Variants in MREG observed in about 807,000 individuals in gnomAD.
The protein encoded by MREG is melanoregulin, also known as dilute suppressor protein homolog.
Under a neutral mutation model 28.5 loss-of-function variants are expected in MREG, and 31 were observed. That is an observed-to-expected ratio of 1.09 (90% CI 0.82 to 1.47). The LOEUF (loss-of-function observed/expected upper bound fraction) is 1.47, where lower values mean the gene tolerates loss of function less well. Ranked by LOEUF, MREG falls within the 40% of genes most tolerant of loss-of-function variation. The pLI, the probability that MREG is intolerant of heterozygous loss-of-function variation, is 0.00. For synonymous variants in MREG, 106 were observed against 95.2 expected, an observed-to-expected ratio of 1.11 and a Z score of -0.66; for missense variants, 256 against 257.4, an observed-to-expected ratio of 0.99 and a Z score of 0.04.
intron 2 of MREG, among the ~76,000 whole-genome samples, chr2:215,972,209 G>T (rs1420234155): frequency 6.6e-6 from 1 of 152,174 alleles, no homozygotes; most frequent in Non-Finnish European, 1.5e-5. Flanking sequence ...TCCAACGTGG[G>T]AAAGACCAAA....
At chr2:216,031,428 GA>G (rs35132167) in intron 1 of MREG, among the ~76,000 whole-genome samples, 15,949 of 55,332 alleles carry the variant, frequency 0.29, 1,172 homozygotes, top group East Asian at 0.4. Context: ...AAGAAAGAAA[GA>G]AAAGAAAGAA....
At chr2:215,983,617 T>C (rs575137028) in intron 2 of MREG, among the ~76,000 whole-genome samples, 3 of 152,248 alleles carry the variant, frequency 2.0e-5, no homozygotes, top group Non-Finnish European at 4.4e-5. Context: ...TCTGCCTCTG[T>C]AGTTTTAATT....
Position 216,013,331 on chromosome 2 carries a change from G to C in MREG, c.-4C>G, listed in dbSNP as rs1403092437. The C allele has an allele frequency of 6.6e-7, 1 of 1,524,636 alleles. No homozygotes were observed. Among genetic ancestry groups the C allele is most frequent in the South Asian group, 1.2e-5 (1 of 81,850 alleles). The allele number at this position is 1,524,636 out of a possible 1,614,324, so 94.4% of individuals were successfully genotyped here. A position where few individuals can be genotyped will look rare whatever the true frequency, so the allele number is the denominator to read the frequency against. ...TCAGCCAGTCCCTCAGCCCCATGGA[G>C]AGCGAGGGCCCCCACCGGCGCCGGA... On this transcript the variant is annotated 5_prime_UTR_variant, in exon 1 of 5. Coordinates refer to ENST00000263268, the MANE Select transcript of MREG (RefSeq NM_018000.3).
At chr2:216,026,645 GCCA>G (rs1215353260) in intron 1 of MREG, among the ~76,000 whole-genome samples, 1 of 152,128 alleles carries the variant, frequency 6.6e-6, no homozygotes, top group Non-Finnish European at 1.5e-5. Context: ...ACAGGCTTGA[GCCA>G]CCACAACTGG....
At chr2:215,941,895 C>T (rs932824010), downstream of MREG, among the ~76,000 whole-genome samples, 2 of 152,192 alleles carry the variant, frequency 1.3e-5, no homozygotes, top group African/African-American at 4.8e-5. Context: ...GACTCACTGC[C>T]ATTGGGCCTC....
intron 2 of MREG, among the ~76,000 whole-genome samples, chr2:215,972,688 G>T (rs924720991): frequency 3.0e-4 from 46 of 151,816 alleles, no homozygotes; most frequent in Non-Finnish European, 1.0e-4. Context: ...CTTGATTGTG[G>T]TGATGATTTA....
intron 1 of MREG, among the ~76,000 whole-genome samples, chr2:216,007,723 C>A (rs1694197125): frequency 1.4e-5 from 2 of 145,830 alleles, no homozygotes; most frequent in Admixed American, 7.2e-5. Context: ...AGCCACTGCA[C>A]CCAACCCCCA....
In MREG at chr2:216,031,011, T is replaced by A. The variant is rs574294989; in HGVS notation, c.-68+1778A>T. Among the ~76,000 whole-genome samples the A allele has an allele frequency of 2.0e-5, 3 of 151,778 alleles. No homozygotes were observed. In the East Asian group the frequency reaches 5.8e-4, roughly 29 times the overall value. ...ACACACACACTCTGTCCCTGCTCTC[T>A]CTCTCTCATTTGCTTGCTCATCAAA... On this transcript the variant is annotated intron_variant, in intron 1 of 3. Transcript: ENST00000420348.
chr2:216,002,040 C>G (rs1318605981), intron 1 of MREG, among the ~76,000 whole-genome samples: 1 of 152,144 alleles, frequency 6.6e-6, no homozygotes, highest in Non-Finnish European at 1.5e-5. Context: ...TCTCCCTCCC[C>G]CATATCATGA....
chr2:215,961,586 C>T (rs944156768), intron 2 of MREG, among the ~76,000 whole-genome samples: 11 of 152,164 alleles, frequency 7.2e-5, no homozygotes, highest in South Asian at 4.2e-4. Context: ...CCACCATGCC[C>T]GTCTAATTTT....
chr2:216,013,402 G>C lies in MREG; in HGVS notation c.-75C>G. On this transcript the variant is annotated 5_prime_UTR_variant, in exon 1 of 5. Transcript: ENST00000263268. ...CGGCGAGCGATCGAGGCTGGGGCGCGGCCACCGCGCCAGCGTCCAGGTGCG... is the reference window on the plus strand; with the variant it reads ...CGGCGAGCGATCGAGGCTGGGGCGCCGCCACCGCGCCAGCGTCCAGGTGCG... 9.0e-7 allele frequency: 1 copy of C among 1,115,830 alleles called. No individual in the cohort carries two copies. The highest frequency in any genetic ancestry group is 2.7e-4 in the Middle Eastern group (1 of 3,742). 69.1% of individuals were successfully genotyped at this position (1,115,830 alleles called of 1,614,324 possible).
downstream of MREG, among the ~76,000 whole-genome samples, chr2:215,940,603 C>CAT (rs1461388912): frequency 1.3e-5 from 2 of 152,190 alleles, no homozygotes; most frequent in Non-Finnish European, 2.9e-5. Context: ...AAAACCATCA[C>CAT]ATTGGAAAAT....
At chr2:216,008,957 T>C (rs567157539) in intron 1 of MREG, among the ~76,000 whole-genome samples, 4 of 152,366 alleles carry the variant, frequency 2.6e-5, no homozygotes, top group African/African-American at 9.6e-5. Flanking sequence ...ATTTCTGCTA[T>C]ATCTGTTAAT....
chr2:215,997,664 T>C (rs887946580), intron 1 of MREG, among the ~76,000 whole-genome samples: 28 of 152,162 alleles, frequency 1.8e-4, no homozygotes, highest in Admixed American at 1.6e-3. Context: ...AAGTGGGAGC[T>C]CAGGAGGCCA....
In MREG at chr2:215,971,470, C is replaced by T. The variant is rs148555511; in HGVS notation, c.256-24357G>A. The stretch of plus-strand genomic sequence containing the variant: ...CAACCATCACTTCAAAACAGGTAAG[C>T]GGTAAATACTATGTCATGGATCAAA... On this transcript the variant is annotated intron_variant, in intron 2 of 4. Transcript: ENST00000263268. 6.0e-4 allele frequency among the ~76,000 whole-genome samples: 92 copies of T among 152,096 alleles called. 1 individual carries two copies. The East Asian group carries it at 0.016, about 26-fold the overall frequency.
chr2:216,031,423 AG>A (rs1175284990), intron 1 of MREG, among the ~76,000 whole-genome samples: 1 of 39,270 alleles, frequency 2.5e-5, no homozygotes, highest in African/African-American at 1.0e-4. Flanking sequence ...AAAGGAAGAA[AG>A]AAAGAAAAGA....
upstream of MREG, among the ~76,000 whole-genome samples, chr2:216,014,986 A>C (rs141517505): frequency 6.6e-6 from 1 of 152,222 alleles, no homozygotes; most frequent in Non-Finnish European, 1.5e-5. Context: ...CTTTACTCTA[A>C]TGGAGCAAAC....
In MREG at chr2:215,982,988, G is replaced by A. The variant is rs117889514; in HGVS notation, c.255+13318C>T. Among the ~76,000 whole-genome samples the A allele has an allele frequency of 4.8e-3, 726 of 152,268 alleles. 16 individuals are homozygous for A. The highest frequency in any genetic ancestry group is 0.034 in the Admixed American group (513 of 15,296). On this transcript the variant is annotated intron_variant, in intron 2 of 4. Coordinates refer to ENST00000263268, the MANE Select transcript of MREG (RefSeq NM_018000.3). ...TTGATTCTCAGATCCTAGTAAGCTT[G>A]TTTATTCTCTCCCTCCACCCTGCCC...
intron 1 of MREG, among the ~76,000 whole-genome samples, chr2:216,006,726 T>C (rs1269197588): frequency 1.3e-5 from 2 of 152,222 alleles, no homozygotes; most frequent in East Asian, 3.8e-4. Flanking sequence ...GAAGATGATT[T>C]GGTCAGCTCC....
Sources: allele counts gnomAD v4.1 joint callset (sites outside exome capture counted in the v4.1 genomes callset), GRCh38; gene constraint gnomAD v4.1.1; transcripts MANE v1.5; gene names NCBI Gene and HGNC (gene_info 2026-07-23, HGNC 2026-07-21).